ERBIN: variants seen among roughly 807,000 people sequenced by gnomAD.
The protein encoded by ERBIN is densin-180-like protein.
In ERBIN, 60 loss-of-function variants were observed where a neutral mutation model predicts 158.4. That is an observed-to-expected ratio of 0.38 (90% CI 0.31 to 0.47). The LOEUF is 0.47. ERBIN is among the 20% of genes least tolerant of loss of function. ERBIN has a pLI of 0.99. For missense variants in ERBIN, 1,610 were observed against 1,648.0 expected (o/e 0.98, Z 0.40); for synonymous variants, 594 against 557.2 (o/e 1.07, Z -0.93).
At position 66,047,193 on chromosome 5, in the gene ERBIN, A is replaced by G. The variant is rs185737278; in HGVS notation, c.1788+655A>G. Among the ~76,000 whole-genome samples, 4 of 152,152 alleles carry G rather than the reference A, an allele frequency of 2.6e-5. No homozygotes were observed. In the East Asian group the frequency reaches 5.8e-4, roughly 22 times the overall value. Reference sequence around the variant, plus strand: ...TTTATATGCCTCTGTAAATTTGCCTATTCTTGACATTTCATTTAAGTGGAA... The same window carrying G: ...TTTATATGCCTCTGTAAATTTGCCTGTTCTTGACATTTCATTTAAGTGGAA... On this transcript the variant is annotated intron_variant, in intron 18 of 25. Transcript: ENST00000284037.
intron 21 of ERBIN, among the ~76,000 whole-genome samples, chr5:66,059,369 A>G (rs972011226): frequency 1.3e-5 from 2 of 152,110 alleles, no homozygotes; most frequent in African/African-American, 4.8e-5. Context: ...GATGCTTGTG[A>G]TTTTTACACA....
At chr5:65,983,582 TTAAAC>T (rs1435580194) in intron 1 of ERBIN, among the ~76,000 whole-genome samples, 1 of 152,202 alleles carries the variant, frequency 6.6e-6, no homozygotes, top group Non-Finnish European at 1.5e-5. Context: ...ATAACTGTGA[TTAAAC>T]TAAATGATCT....
In ERBIN at chr5:66,016,906, C is replaced by T. The variant is rs548572785; in HGVS notation, c.533+2181C>T. ...CTGGGATTACAGGCGTGAGCCACCA[C>T]ACCCGGCTTGGGATCTTTTTTTAGC... On this transcript the variant is annotated intron_variant, in intron 7 of 25. Transcript: ENST00000284037. Among the ~76,000 whole-genome samples the T allele has an allele frequency of 2.2e-4, 34 of 152,240 alleles. 1 individual carries two copies. Among genetic ancestry groups the T allele is most frequent in the East Asian group, 1.7e-3 (9 of 5,174 alleles).
At chr5:66,035,098 CAT>C (rs1295082265) in intron 14 of ERBIN, among the ~76,000 whole-genome samples, 1 of 152,164 alleles carries the variant, frequency 6.6e-6, no homozygotes, top group African/African-American at 2.4e-5. Flanking sequence ...CCTTTTCAGA[CAT>C]ATTTGTTCTG....
At chr5:65,972,405 G>T (rs1339903547) in intron 1 of ERBIN, among the ~76,000 whole-genome samples, 1 of 151,334 alleles carries the variant, frequency 6.6e-6, no homozygotes, top group Non-Finnish European at 1.5e-5. Context: ...TATTTGTCCT[G>T]TGACCTTTGA....
In ERBIN at chr5:66,024,930, A is replaced by G. The variant is rs953794408; in HGVS notation, c.817+480A>G. ...ATCTTGACATCTTTTTGATGTTTTA[A>G]TTTAAAAACCAAAAATATTTCTCAG... On this transcript the variant is annotated intron_variant, in intron 10 of 25. Coordinates refer to ENST00000284037, the MANE Select transcript of ERBIN (RefSeq NM_001253697.2). Among the ~76,000 whole-genome samples the G allele has an allele frequency of 5.3e-5, 8 of 152,240 alleles. No individual in the cohort carries two copies. In the South Asian group the frequency reaches 1.7e-3, roughly 32 times the overall value.
intron 13 of ERBIN, among the ~76,000 whole-genome samples, chr5:66,027,789 C>G (rs1477228858): frequency 6.6e-6 from 1 of 151,954 alleles, no homozygotes; most frequent in East Asian, 1.9e-4. Flanking sequence ...AATGACTGTA[C>G]TTTGTTTTTA....
chr5:65,945,184 T>G (rs1745591082), intron 1 of ERBIN, among the ~76,000 whole-genome samples: 1 of 152,234 alleles, frequency 6.6e-6, no homozygotes, highest in Non-Finnish European at 1.5e-5. Flanking sequence ...TCTTACAGAT[T>G]TAAAGAGGCC....
intron 21 of ERBIN, among the ~76,000 whole-genome samples, chr5:66,062,580 G>C (rs1033788771): frequency 1.3e-5 from 2 of 152,186 alleles, no homozygotes; most frequent in Non-Finnish European, 1.5e-5. Context: ...TTCCGTTGCT[G>C]GTGAGGAGCT....
intron 2 of ERBIN, among the ~76,000 whole-genome samples, chr5:65,992,111 G>C (rs1222313042): frequency 6.6e-6 from 1 of 152,102 alleles, no homozygotes; most frequent in Non-Finnish European, 1.5e-5. Flanking sequence ...CGTCTTATTA[G>C]AGTTTTTCTT....
In ERBIN at chr5:66,076,871, A is replaced by T. The variant is rs1762025156; in HGVS notation, c.4057-4A>T. On this transcript the variant is annotated splice_region_variant and splice_polypyrimidine_tract_variant and intron_variant, in intron 24 of 25. Transcript: ENST00000284037. ...TAGTTAAATAATTTTTTTTGTTGTT[A>T]AAGGGTATATTTGTAACAAGGGTAC... The T allele has an allele frequency of 6.3e-7, 1 of 1,599,228 alleles. No individual in the cohort carries two copies. The highest frequency in any genetic ancestry group is 2.2e-5 in the East Asian group (1 of 44,668).
At chr5:66,058,371 C>T (rs1031692289) in intron 21 of ERBIN, among the ~76,000 whole-genome samples, 68 of 152,160 alleles carry the variant, frequency 4.5e-4, no homozygotes, top group African/African-American at 1.6e-3. Context: ...GCTTTGCCTA[C>T]TTTTTGATGG....
intron 21 of ERBIN, among the ~76,000 whole-genome samples, chr5:66,059,477 G>C (rs369743956): frequency 2.0e-5 from 3 of 152,052 alleles, no homozygotes; most frequent in Non-Finnish European, 2.9e-5. Flanking sequence ...ATCATGTCAT[G>C]TGCAAACAGG....
At chr5:66,063,176 G>A (rs898438593) in intron 21 of ERBIN, among the ~76,000 whole-genome samples, 10 of 152,228 alleles carry the variant, frequency 6.6e-5, no homozygotes, top group African/African-American at 2.4e-4. Context: ...CTTGAGCTGT[G>A]GTGGGCTTCA....
rs573895052 is a variant in ERBIN, at chr5:66,032,150, C to T, written c.1206+3807C>T. The stretch of plus-strand genomic sequence containing the variant: ...TTGTGACAAGAGTGTAACAGTGAGA[C>T]GGAAAAGGTAGAAAACGAGGCTACT... On this transcript the variant is annotated intron_variant, in intron 14 of 25. Transcript: ENST00000284037. 9.1e-4 allele frequency among the ~76,000 whole-genome samples: 139 copies of T among 152,186 alleles called. 1 individual carries two copies. In the South Asian group the frequency reaches 0.015, roughly 16 times the overall value.
At chr5:65,990,412 T>A (rs909136275) in intron 2 of ERBIN, among the ~76,000 whole-genome samples, 1 of 150,892 alleles carries the variant, frequency 6.6e-6, no homozygotes, top group African/African-American at 2.4e-5. Flanking sequence ...CTCACGCCTG[T>A]AATCCCAGCA....
intron 1 of ERBIN, among the ~76,000 whole-genome samples, chr5:65,980,523 C>T (rs1750539662): frequency 6.6e-6 from 1 of 152,112 alleles, no homozygotes; most frequent in Non-Finnish European, 1.5e-5. Context: ...CTAAGCCCAC[C>T]ATTAAAACAG....
intron 4 of ERBIN, among the ~76,000 whole-genome samples, chr5:65,997,117 T>C (rs2151063007): frequency 6.6e-6 from 1 of 152,308 alleles, no homozygotes; most frequent in East Asian, 1.9e-4. Context: ...TTTATTTCTT[T>C]CTCTGGGTAG....
chr5:66,031,742 G>A (rs180914989), intron 14 of ERBIN, among the ~76,000 whole-genome samples: 4 of 152,298 alleles, frequency 2.6e-5, no homozygotes, highest in Non-Finnish European at 4.4e-5. Context: ...TGAGGCTGGA[G>A]GATCCTTTGA....
Sources: allele counts gnomAD v4.1 joint callset (sites outside exome capture counted in the v4.1 genomes callset), GRCh38; gene constraint gnomAD v4.1.1; transcripts MANE v1.5; gene names NCBI Gene and HGNC (gene_info 2026-07-23, HGNC 2026-07-21).